GSE1: variants seen among roughly 807,000 people sequenced by gnomAD.
The protein encoded by GSE1 is genetic suppressor element 1.
GSE1 carries 32 observed loss-of-function variants against 112.6 expected under a neutral mutation model. The ratio of observed to expected loss-of-function variants is 0.28; its 90% confidence interval spans 0.21 to 0.38. The LOEUF (loss-of-function observed/expected upper bound fraction) is 0.38. Ranked by LOEUF, GSE1 falls within the 10% of genes least tolerant of loss-of-function variation. The pLI is 1.00. For synonymous variants in GSE1, 1,115 were observed against 735.6 expected (o/e 1.52, Z -8.35); for missense variants, 2,348 against 1,699.2 (o/e 1.38, Z -6.71).
intron 2 of GSE1, among the ~76,000 whole-genome samples, chr16:85,545,763 G>A (rs1167735128): frequency 6.6e-6 from 1 of 152,030 alleles, no homozygotes; most frequent in Admixed American, 6.6e-5. Context: ...TTGTTAGTTT[G>A]TTTTTTTGGT....
intron 2 of GSE1, among the ~76,000 whole-genome samples, chr16:85,519,895 G>C (rs912510935): frequency 1.3e-5 from 2 of 152,174 alleles, no homozygotes; most frequent in African/African-American, 4.8e-5. Flanking sequence ...CCGGCTGGGG[G>C]TAAGGAGAAG....
Position 85,478,841 on chromosome 16 carries a change from T to TTCTC in GSE1, c.2464+121201_2464+121202insCTCT, listed in dbSNP as rs1555518493. ...CACCACCATGCCCCGCTCATTTATT[T>TTCTC]TCTTTCTTTCTTTCTTTCTTTCTTT... On this transcript the variant is annotated intron_variant, in intron 2 of 2. Transcript: ENST00000637419. Among the ~76,000 whole-genome samples the TTCTC allele has an allele frequency of 1.9e-3, 24 of 12,704 alleles. 1 individual carries two copies. Among genetic ancestry groups the TTCTC allele is most frequent in the South Asian group, 7.8e-3 (4 of 514 alleles). 8.3% of individuals were successfully genotyped at this position (12,704 alleles called of 152,430 possible). A position where few individuals can be genotyped will look rare whatever the true frequency, so the allele number is the denominator to read the frequency against.
chr16:85,449,598 G>A lies in GSE1; in HGVS notation c.2464+91955G>A, dbSNP rs116736570. Among the ~76,000 whole-genome samples, 1,402 of 152,362 alleles carry A rather than the reference G, an allele frequency of 9.2e-3. 18 individuals are homozygous for A. Among genetic ancestry groups the A allele is most frequent in the African/African-American group, 0.032 (1,315 of 41,580 alleles). On this transcript the variant is annotated intron_variant, in intron 2 of 2. Coordinates refer to the GSE1 transcript ENST00000637419. ...GGCGGCAGCTCCTGCCCTCTCTTCCGGAATGGACGCTTATGAAGCCCAAAT... is the reference window on the plus strand; with the variant it reads ...GGCGGCAGCTCCTGCCCTCTCTTCCAGAATGGACGCTTATGAAGCCCAAAT...
At position 85,665,741 on chromosome 16, in the gene GSE1, G is replaced by A. The variant is rs141858807; in HGVS notation, c.2759-235G>A. 4.8e-3 allele frequency among the ~76,000 whole-genome samples: 730 copies of A among 152,282 alleles called. 3 individuals carry two copies. The highest frequency in any genetic ancestry group is 0.02 in the South Asian group (97 of 4,824). The stretch of plus-strand genomic sequence containing the variant: ...GTGGCTGGGGGACTTCCTTCTTCCT[G>A]TGGATCTGCTTCTTCCTTCTTGGGA... On this transcript the variant is annotated intron_variant, in intron 12 of 15. Coordinates refer to ENST00000253458, the MANE Select transcript of GSE1 (RefSeq NM_014615.5).
At chr16:85,447,001 C>T (rs2049533711) in intron 2 of GSE1, among the ~76,000 whole-genome samples, 2 of 152,122 alleles carry the variant, frequency 1.3e-5, no homozygotes, top group South Asian at 4.1e-4. Flanking sequence ...GTCGGGTGCT[C>T]CATGGGCCAC....
At chr16:85,207,854 G>A (rs1028697416) in intron 1 of GSE1, 1 of 152,290 alleles carries the variant, frequency 6.6e-6, no homozygotes, top group African/African-American at 2.4e-5. Flanking sequence ...CAAACCCACA[G>A]AGGCTTTCAG....
At chr16:85,394,034 T>C (rs2047909641) in intron 2 of GSE1, among the ~76,000 whole-genome samples, 1 of 152,158 alleles carries the variant, frequency 6.6e-6, no homozygotes, top group South Asian at 2.1e-4. Flanking sequence ...CCTGGGGACC[T>C]CTGGCCACTT....
intron 2 of GSE1, among the ~76,000 whole-genome samples, chr16:85,545,566 G>A (rs1283677338): frequency 1.3e-5 from 2 of 152,196 alleles, no homozygotes; most frequent in African/African-American, 4.8e-5. Context: ...CTTACTGGCT[G>A]TGTGACCTTG....
At chr16:85,301,469 G>GCAAGC (rs977004747) in intron 1 of GSE1, among the ~76,000 whole-genome samples, 4 of 152,220 alleles carry the variant, frequency 2.6e-5, no homozygotes, top group Non-Finnish European at 5.9e-5. Flanking sequence ...CCTCACCTGT[G>GCAAGC]CAAGCCACAC....
chr16:85,464,600 G>A (rs946240093), intron 2 of GSE1, among the ~76,000 whole-genome samples: 1 of 152,172 alleles, frequency 6.6e-6, no homozygotes. Context: ...TGGTCATGCC[G>A]GTTGCACAGG....
chr16:85,663,012 C>T lies in GSE1; in HGVS notation c.2292C>T (p.Asp764=), dbSNP rs16975770. The T allele has an allele frequency of 9.9e-3, 16,003 of 1,612,516 alleles. 1,420 individuals carry two copies. The African/African-American group carries it at 0.19, about 19-fold the overall frequency. ...GYYYDLDDSY[D]ESDEEEVRAH... is the part of the protein sequence containing the mutation. ...ACTACGACCTCGATGACTCTTACGA[C>T]GAGAGCGATGAGGAGGAGGTCAGGG... The change falls in exon 10 of 16, where the codon GAC becomes GAT. Residue 764 remains aspartate (D), a synonymous_variant. Transcript: ENST00000253458.
At chr16:85,370,039 G>A (rs1028259492) in intron 2 of GSE1, among the ~76,000 whole-genome samples, 1 of 152,158 alleles carries the variant, frequency 6.6e-6, no homozygotes, top group Non-Finnish European at 1.5e-5. Flanking sequence ...TTTAGAGCTG[G>A]GAGGGCAGCC....
intron 1 of GSE1, among the ~76,000 whole-genome samples, chr16:85,181,630 C>T (rs1319187456): frequency 6.6e-6 from 1 of 152,246 alleles, no homozygotes; most frequent in Admixed American, 6.5e-5. Context: ...GACCCATCAA[C>T]CTAGTCTCCC....
intron 2 of GSE1, among the ~76,000 whole-genome samples, chr16:85,544,658 A>G (rs939723997): frequency 1.1e-4 from 16 of 152,224 alleles, no homozygotes; most frequent in African/African-American, 3.9e-4. Flanking sequence ...CATGGACCTG[A>G]ACCAGTTAGG....
intron 2 of GSE1, among the ~76,000 whole-genome samples, chr16:85,438,568 C>T (rs536416606): frequency 1.3e-5 from 2 of 152,316 alleles, no homozygotes; most frequent in South Asian, 2.1e-4. Flanking sequence ...CTGAGACCCA[C>T]AGCAGTGGAG....
At chr16:85,430,537 G>A (rs1475177644) in intron 2 of GSE1, among the ~76,000 whole-genome samples, 2 of 152,218 alleles carry the variant, frequency 1.3e-5, no homozygotes, top group Admixed American at 6.5e-5. Flanking sequence ...CCTGCACCTC[G>A]AAGGCCAGGC....
chr16:85,238,396 G>A (rs937210481), intron 1 of GSE1, among the ~76,000 whole-genome samples: 2 of 152,176 alleles, frequency 1.3e-5, no homozygotes, highest in South Asian at 2.1e-4. Context: ...TCTGCCCCCC[G>A]CACCCCTGCA....
chr16:85,270,276 C>T (rs1197479496), intron 1 of GSE1, among the ~76,000 whole-genome samples: 3 of 148,988 alleles, frequency 2.0e-5, no homozygotes, highest in Non-Finnish European at 1.5e-5. Context: ...GCTCCCAGCA[C>T]ATGCCTCTCT....
At chr16:85,502,332 C>T (rs2051396916) in intron 2 of GSE1, among the ~76,000 whole-genome samples, 2 of 152,154 alleles carry the variant, frequency 1.3e-5, no homozygotes, top group African/African-American at 2.4e-5. Flanking sequence ...CCGTGGGTAG[C>T]GCAGGTTCAT....
Sources: gnomAD v4.1 joint callset for allele counts (sites outside exome capture counted in the v4.1 genomes callset) on GRCh38, gnomAD v4.1.1 for gene constraint, MANE v1.5 for transcripts, NCBI Gene and HGNC (gene_info 2026-07-23, HGNC 2026-07-21) for gene names.